Variants in SDAD1 observed in about 807,000 individuals in gnomAD.
SDAD1 encodes protein SDA1 homolog.
In SDAD1, 79 loss-of-function variants were observed where a neutral mutation model predicts 100.3. The observed-to-expected ratio is 0.79, with a 90% CI of 0.66 to 0.95. The LOEUF is 0.95. Among genes scored for constraint, SDAD1 ranks in the 40% least tolerant of loss-of-function variants. SDAD1 has a pLI of 0.00. For synonymous variants in SDAD1, 267 were observed against 271.4 expected (o/e 0.98, Z 0.16); for missense variants, 790 against 810.9 (o/e 0.97, Z 0.31).
In SDAD1 at chr4:75,974,136, G is replaced by C; in HGVS notation, c.579-3C>G. The C allele has an allele frequency of 6.2e-7, 1 of 1,612,854 alleles. No individual in the cohort carries two copies. The highest frequency in any genetic ancestry group is 2.2e-5 in the East Asian group (1 of 44,814). On this transcript the variant is annotated splice_region_variant and splice_polypyrimidine_tract_variant and intron_variant, in intron 6 of 21. Coordinates refer to ENST00000356260, the MANE Select transcript of SDAD1 (RefSeq NM_018115.4). ...CATTGACAGTTTTTGCATCATTCCTGGGGGAAGACAATGAATGCTTTGAAG... is the reference window on the plus strand; with the variant it reads ...CATTGACAGTTTTTGCATCATTCCTCGGGGAAGACAATGAATGCTTTGAAG...
chr4:75,949,954 A>C lies in SDAD1; in HGVS notation c.*796T>G, dbSNP rs1728536473. 1 of 152,548 alleles carries C rather than the reference A, an allele frequency of 6.6e-6. No homozygotes were observed. Among genetic ancestry groups the C allele is most frequent in the Non-Finnish European group, 1.5e-5 (1 of 68,050 alleles). 9.4% of individuals were successfully genotyped at this position (152,548 alleles called of 1,614,324 possible). A position where few individuals can be genotyped will look rare whatever the true frequency, so the allele number is the denominator to read the frequency against. On this transcript the variant is annotated 3_prime_UTR_variant, in exon 22 of 22. Transcript: ENST00000356260. Reference sequence around the variant, plus strand: ...AACCTTTTATTGAGACAAGGTAAACAGTGGGCTGAAAATATTACAGGCTGA... The same window carrying C: ...AACCTTTTATTGAGACAAGGTAAACCGTGGGCTGAAAATATTACAGGCTGA...
chr4:75,974,200 G>A, intron 6 of SDAD1, 67 bp from the exon 7 acceptor site: 1 of 1,245,072 alleles, frequency 8.0e-7, no homozygotes, highest in Non-Finnish European at 1.2e-6. Context: ...CACAGACAAT[G>A]GCACAAAATA....
intron 8 of SDAD1, 33 bp from the exon 9 acceptor site, chr4:75,971,491 C>G (rs1729865726): frequency 6.8e-7 from 1 of 1,468,526 alleles, no homozygotes; most frequent in South Asian, 1.1e-5. Context: ...AAATTGTAAA[C>G]AAGGAAAATC....
At chr4:75,985,539 G>T (rs755241569) in intron 1 of SDAD1, among the ~76,000 whole-genome samples, 31 of 152,226 alleles carry the variant, frequency 2.0e-4, no homozygotes, top group Non-Finnish European at 4.4e-4. Flanking sequence ...CTAAAGACTA[G>T]AGTTATCCTC....
chr4:75,971,785 T>C (rs574979870), intron 8 of SDAD1, among the ~76,000 whole-genome samples: 1 of 151,964 alleles, frequency 6.6e-6, no homozygotes, highest in South Asian at 2.1e-4. Context: ...GGCAGGAGCA[T>C]CACTTGAGCC....
Position 75,990,927 on chromosome 4 carries a change from G to A in SDAD1, c.-86C>T. 3 of 1,532,788 alleles carry A rather than the reference G, an allele frequency of 2.0e-6. No homozygotes were observed. The highest frequency in any genetic ancestry group is 1.9e-4 in the Middle Eastern group (1 of 5,340). 94.9% of individuals were successfully genotyped at this position (1,532,788 alleles called of 1,614,324 possible). The stretch of plus-strand genomic sequence containing the variant: ...CGCAATCCCTGCCAGCTGCAGCTTG[G>A]ACTCGTGTTTCCGGGTATGACCGGA... On this transcript the variant is annotated 5_prime_UTR_variant, in exon 1 of 22. Coordinates refer to ENST00000356260, the MANE Select transcript of SDAD1 (RefSeq NM_018115.4).
intron 17 of SDAD1, among the ~76,000 whole-genome samples, chr4:75,959,016 T>C (rs1434192893): frequency 7.5e-6 from 1 of 132,616 alleles, no homozygotes; most frequent in Non-Finnish European, 1.5e-5. Flanking sequence ...GAGAATGGCG[T>C]GAACCCAGGA....
intron 1 of SDAD1, among the ~76,000 whole-genome samples, chr4:75,989,265 G>A (rs1307353514): frequency 6.6e-6 from 1 of 152,104 alleles, no homozygotes; most frequent in Non-Finnish European, 1.5e-5. Context: ...TACCTAAAAT[G>A]ATGTTTACCT....
rs560014581 is a variant in SDAD1 at position 75,973,487 on chromosome 4, A to T, written c.637-96T>A. ...GCTTTATACATGTGCATGAACTAAG[A>T]TCTGAAGAACAAATTCAAAGAGTGG... On this transcript the variant is annotated intron_variant, in intron 7 of 21. Transcript: ENST00000356260. The T allele has an allele frequency of 4.0e-5, 33 of 822,146 alleles. 1 individual carries two copies. In the South Asian group the frequency reaches 5.2e-4, roughly 13 times the overall value. The allele number at this position is 822,146 out of a possible 1,614,324, so 50.9% of individuals were successfully genotyped here.
intron 14 of SDAD1, among the ~76,000 whole-genome samples, chr4:75,963,547 T>C (rs973285420): frequency 6.6e-6 from 1 of 152,226 alleles, no homozygotes; most frequent in African/African-American, 2.4e-5. Context: ...CATTTGTTGG[T>C]ATCCTCTTTT....
At chr4:75,975,392 G>T (rs927851565) in intron 6 of SDAD1, among the ~76,000 whole-genome samples, 1 of 152,192 alleles carries the variant, frequency 6.6e-6, no homozygotes, top group Admixed American at 6.5e-5. Flanking sequence ...GAGTCAGTTA[G>T]ATCTGGGTCT....
intron 21 of SDAD1, among the ~76,000 whole-genome samples, chr4:75,954,420 C>T (rs2149306352): frequency 6.6e-6 from 1 of 151,746 alleles, no homozygotes; most frequent in South Asian, 2.1e-4. Flanking sequence ...CACCTATAAT[C>T]CTAGCGCTAT....
chr4:75,983,817 C>T (rs1030595952), intron 1 of SDAD1, among the ~76,000 whole-genome samples: 2 of 152,096 alleles, frequency 1.3e-5, no homozygotes, highest in African/African-American at 4.8e-5. Context: ...TCAATTTTGG[C>T]TTTTGTTGCC....
intron 6 of SDAD1, 95 bp downstream of exon 6, chr4:75,975,649 G>C: frequency 1.2e-6 from 1 of 802,686 alleles, no homozygotes; most frequent in Non-Finnish European, 2.0e-6. Flanking sequence ...ATATTAAAGA[G>C]CTCAAGCTCA....
Position 75,950,788 on chromosome 4 carries a change from G to C in SDAD1, c.2026C>G (p.Arg676Gly). ...TTTCTCTTTTTCAAAAGTGCATCTC[G>C]TAGTGCCAACTGTAAGATAAAAAAG... ...RSFREKQLAL[R>G]DALLKKRKRM... Residue 676 changes from arginine (R) to glycine (G), a missense_variant, in exon 22 of 22, where the codon CGA becomes GGA. Arg to Gly is a moderately radical substitution (Grantham distance 125). Coordinates refer to ENST00000356260, the MANE Select transcript of SDAD1 (RefSeq NM_018115.4). 2 of 1,583,646 alleles carry C rather than the reference G, an allele frequency of 1.3e-6. No individual in the cohort carries two copies. Among genetic ancestry groups the C allele is most frequent in the Non-Finnish European group, 1.7e-6 (2 of 1,156,818 alleles).
Position 75,967,224 on chromosome 4 carries a change from A to G in SDAD1, c.1045+53T>C. 6.6e-6 allele frequency: 10 copies of G among 1,518,604 alleles called. No individual in the cohort carries two copies. The South Asian group carries it at 1.0e-4, about 15-fold the overall frequency. 94.1% of individuals were successfully genotyped at this position (1,518,604 alleles called of 1,614,324 possible). ...GTGATTCCAGAACAAAAGACTTTGC[A>G]TGTTTATTCTATTACCAAGGCCACC... On this transcript the variant is annotated intron_variant, in intron 12 of 21. Coordinates refer to ENST00000356260, the MANE Select transcript of SDAD1 (RefSeq NM_018115.4).
intron 1 of SDAD1, among the ~76,000 whole-genome samples, chr4:75,982,771 C>A (rs1416478580): frequency 6.6e-6 from 1 of 152,102 alleles, no homozygotes; most frequent in Non-Finnish European, 1.5e-5. Context: ...GCTCTCCAGT[C>A]AAAATCCCAC....
intron 12 of SDAD1, among the ~76,000 whole-genome samples, chr4:75,966,207 C>T (rs1033083550): frequency 1.3e-5 from 2 of 151,644 alleles, no homozygotes; most frequent in African/African-American, 4.8e-5. Context: ...GGAATTCGTA[C>T]TGTCTTAATG....
Position 75,970,350 on chromosome 4 carries a change from A to G in SDAD1, c.842T>C (p.Val281Ala). The G allele has an allele frequency of 1.2e-6, 2 of 1,613,676 alleles. No individual in the cohort carries two copies. Among genetic ancestry groups the G allele is most frequent in the Non-Finnish European group, 1.7e-6 (2 of 1,179,866 alleles). ...KKQKKKKKPE[V>A]FNFSAIHLIH... Reference sequence around the variant, plus strand: ...CAAGTGAATGGCTGAAAAGTTAAACACCTCTGGTTTTTTCTTCTTTTTTTG... The same window carrying G: ...CAAGTGAATGGCTGAAAAGTTAAACGCCTCTGGTTTTTTCTTCTTTTTTTG... Residue 281 changes from valine to alanine, a missense_variant, in exon 10 of 22, where the codon GTG becomes GCG. Val to Ala is a moderately conservative substitution (Grantham distance 64, BLOSUM62 0). Coordinates refer to ENST00000356260, the MANE Select transcript of SDAD1 (RefSeq NM_018115.4).
Sources: allele counts gnomAD v4.1 joint callset (sites outside exome capture counted in the v4.1 genomes callset), GRCh38; gene constraint gnomAD v4.1.1; transcripts MANE v1.5; gene names NCBI Gene and HGNC (gene_info 2026-07-23, HGNC 2026-07-21).